The following GLI2 variants were observed in gnomAD, a reference collection of about 807,000 sequenced individuals.
The protein encoded by GLI2 is GLI family zinc finger 2.
GLI2 carries 22 observed loss-of-function variants against 78.9 expected under a neutral mutation model. That is an observed-to-expected ratio of 0.28 (90% CI 0.20 to 0.40). GLI2 has a LOEUF of 0.40. GLI2 is among the 10% of genes least tolerant of loss of function. The probability of loss-of-function intolerance (pLI) is 1.00; values close to 1 mark genes in which losing one functional copy is unlikely to be tolerated. For missense variants in GLI2, 2,097 were observed against 2,213.2 expected (o/e 0.95, Z 1.05); for synonymous variants, 974 against 963.7 (o/e 1.01, Z -0.20).
At chr2:120,777,380 C>T (rs1293547034) in intron 1 of GLI2, among the ~76,000 whole-genome samples, 1 of 151,796 alleles carries the variant, frequency 6.6e-6, no homozygotes, top group Non-Finnish European at 1.5e-5. Flanking sequence ...CGTGTCTGAA[C>T]GAGATGAGGG....
chr2:120,859,944 TGC>T (rs937570006), intron 2 of GLI2, among the ~76,000 whole-genome samples: 33 of 152,224 alleles, frequency 2.2e-4, no homozygotes, highest in Non-Finnish European at 4.6e-4. Flanking sequence ...TGAGCCACCA[TGC>T]CCGGCCAATA....
intron 2 of GLI2, among the ~76,000 whole-genome samples, chr2:120,861,234 G>A (rs1687886516): frequency 6.6e-6 from 1 of 152,220 alleles, no homozygotes; most frequent in South Asian, 2.1e-4. Context: ...TGTGCTGTCT[G>A]TTCAGTGTGG....
chr2:120,960,136 C>T (rs186343577), intron 5 of GLI2, among the ~76,000 whole-genome samples: 212 of 152,288 alleles, frequency 1.4e-3, no homozygotes, highest in Admixed American at 2.1e-3. Flanking sequence ...GGTCTAGGGA[C>T]GCAACGCATC....
chr2:120,902,050 C>G (rs1678284908), intron 2 of GLI2, among the ~76,000 whole-genome samples: 1 of 151,960 alleles, frequency 6.6e-6, no homozygotes, highest in South Asian at 2.1e-4. Context: ...CAGCTAACAC[C>G]AGCTTGTGAG....
chr2:120,979,581 T>A (rs990761227), intron 10 of GLI2, among the ~76,000 whole-genome samples: 5 of 152,248 alleles, frequency 3.3e-5, no homozygotes, highest in Admixed American at 2.0e-4. Context: ...TCAGTTTTTT[T>A]ATTGAGAAAT....
Position 120,978,537 on chromosome 2 carries a change from T to G in GLI2, c.1421T>G (p.Val474Gly). Residue 474 changes from valine to glycine, a missense_variant, in exon 10 of 14, where the codon GTG becomes GGG. Val to Gly is a moderately radical substitution (Grantham distance 109). Coordinates refer to ENST00000361492, the MANE Select transcript of GLI2 (RefSeq NM_001374353.1). The part of the protein sequence containing the change: ...QKPFKAQYML[V>G]VHMRRHTGEK... Reference sequence around the variant, plus strand: ...CCCTTCAAGGCGCAGTACATGCTGGTGGTGCACATGCGGCGACACACGGGC... The same window carrying G: ...CCCTTCAAGGCGCAGTACATGCTGGGGGTGCACATGCGGCGACACACGGGC... 1 of 1,614,056 alleles carries G rather than the reference T, an allele frequency of 6.2e-7. No individual in the cohort carries two copies. Among genetic ancestry groups the G allele is most frequent in the Non-Finnish European group, 8.5e-7 (1 of 1,180,004 alleles).
chr2:120,858,086 C>G (rs371139482), intron 2 of GLI2, among the ~76,000 whole-genome samples: 3 of 152,164 alleles, frequency 2.0e-5, no homozygotes, highest in East Asian at 3.9e-4. Context: ...GAAGGGAGCT[C>G]ACGTTAGGTG....
chr2:120,856,247 G>A (rs1165158263), intron 2 of GLI2, among the ~76,000 whole-genome samples: 1 of 152,222 alleles, frequency 6.6e-6, no homozygotes. Context: ...AGGAGGGAGT[G>A]AGGGCAGGGG....
chr2:120,926,944 G>A (rs763738557), intron 2 of GLI2, among the ~76,000 whole-genome samples: 2 of 152,122 alleles, frequency 1.3e-5, no homozygotes, highest in Non-Finnish European at 2.9e-5. Flanking sequence ...TCCAGCCTGC[G>A]TGCACTGCAG....
chr2:120,918,332 T>G (rs2104836187), intron 2 of GLI2, among the ~76,000 whole-genome samples: 1 of 152,312 alleles, frequency 6.6e-6, no homozygotes, highest in South Asian at 2.1e-4. Context: ...GGAGGAAAAG[T>G]TCTCTTCATT....
At chr2:120,738,882 C>T (rs1682444808) in intron 1 of GLI2, among the ~76,000 whole-genome samples, 1 of 152,162 alleles carries the variant, frequency 6.6e-6, no homozygotes. Context: ...TCGTGGCTTC[C>T]TTGAAGCTTG....
chr2:120,825,477 TCTGGCTGTGAGTGTGAC>T (rs536845029), intron 2 of GLI2, among the ~76,000 whole-genome samples: 2 of 136,764 alleles, frequency 1.5e-5, no homozygotes, highest in South Asian at 2.2e-4. Flanking sequence ...TGAGTGTGCA[TCTGGCTGTGAGTGTGAC>T]CTGGCTGTGG....
At chr2:120,860,249 G>A (rs958971733) in intron 2 of GLI2, among the ~76,000 whole-genome samples, 1 of 152,220 alleles carries the variant, frequency 6.6e-6, no homozygotes, top group East Asian at 1.9e-4. Context: ...GTAAGGTCAA[G>A]CGGTCAGTAC....
intron 9 of GLI2, among the ~76,000 whole-genome samples, chr2:120,975,974 G>A (rs1433334939): frequency 2.6e-5 from 4 of 152,236 alleles, no homozygotes; most frequent in South Asian, 2.1e-4. Context: ...CAGACATTCC[G>A]CACCTAGCAG....
intron 2 of GLI2, among the ~76,000 whole-genome samples, chr2:120,822,301 T>C (rs922661003): frequency 6.6e-6 from 1 of 152,228 alleles, no homozygotes; most frequent in Non-Finnish European, 1.5e-5. Flanking sequence ...AGCAGTGTGC[T>C]ATGGGCATAG....
chr2:120,746,866 T>C (rs544632504), intron 1 of GLI2, among the ~76,000 whole-genome samples: 23 of 152,336 alleles, frequency 1.5e-4, no homozygotes, highest in African/African-American at 5.5e-4. Flanking sequence ...ATTAATACAG[T>C]CTTGTAACTC....
At chr2:120,817,467 G>A (rs994439243) in intron 2 of GLI2, among the ~76,000 whole-genome samples, 1 of 152,092 alleles carries the variant, frequency 6.6e-6, no homozygotes, top group Admixed American at 6.5e-5. Context: ...GTGGACCATC[G>A]GGGGATCTCC....
chr2:120,918,629 T>C (rs922462721), intron 2 of GLI2, among the ~76,000 whole-genome samples: 2 of 152,016 alleles, frequency 1.3e-5, no homozygotes, highest in Non-Finnish European at 2.9e-5. Flanking sequence ...TTAGTAGAGA[T>C]GGGGTTTCGC....
rs766495260 is a variant in GLI2 at position 120,990,479 on chromosome 2, C to G, written c.4514C>G (p.Ser1505Trp). Residue 1505 changes from serine to tryptophan, a missense_variant, in exon 14 of 14, where the codon TCG becomes TGG. Around this residue, in one of 5 missense-constraint regions of GLI2, gnomAD observed 1,290 missense variants for 1,261.7 expected, o/e 1.02. Transcript: ENST00000361492. Reference protein sequence around the residue: ...FDAIMDDGDHSSLFSGALSPS... With the variant: ...FDAIMDDGDHWSLFSGALSPS... ...GCCATCATGGATGATGGCGATCACT[C>G]GAGTTTGTTCTCGGGTGCTCTGAGC... is the stretch of plus-strand genomic sequence containing the variant. 1.2e-6 allele frequency: 2 copies of G among 1,613,984 alleles called. No homozygotes were observed. Among genetic ancestry groups the G allele is most frequent in the Non-Finnish European group, 1.7e-6 (2 of 1,179,966 alleles).
Sources: gnomAD v4.1 joint callset for allele counts (sites outside exome capture counted in the v4.1 genomes callset) on GRCh38, gnomAD v4.1.1 for gene constraint, gnomAD v4.1.1 regional missense constraint, MANE v1.5 for transcripts, NCBI Gene and HGNC (gene_info 2026-07-23, HGNC 2026-07-21) for gene names.